Variants in ABL2 observed in about 807,000 individuals in gnomAD.
The protein encoded by ABL2 is ABL proto-oncogene 2, non-receptor tyrosine kinase, also known as tyrosine-protein kinase ABL2.
In ABL2, 49 loss-of-function variants were observed where a neutral mutation model predicts 107.7. The observed-to-expected ratio is 0.45, with a 90% CI of 0.36 to 0.58. The LOEUF (loss-of-function observed/expected upper bound fraction) is 0.58, where lower values mean the gene tolerates loss of function less well. ABL2 is among the 20% of genes least tolerant of loss of function. ABL2 has a pLI of 0.00. For synonymous variants in ABL2, 549 were observed against 548.6 expected (o/e 1.00, Z -0.01); for missense variants, 1,245 against 1,457.0 (o/e 0.85, Z 2.37).
chr1:179,140,304 A>G (rs1006920984), intron 1 of ABL2, among the ~76,000 whole-genome samples: 3 of 151,620 alleles, frequency 2.0e-5, no homozygotes, highest in Admixed American at 6.6e-5. Flanking sequence ...TGCCTAAAAC[A>G]CTCTTCCCCA....
chr1:179,211,047 T>C (rs889621643), intron 1 of ABL2, among the ~76,000 whole-genome samples: 1 of 152,112 alleles, frequency 6.6e-6, no homozygotes, highest in Non-Finnish European at 1.5e-5. Flanking sequence ...GACTTTTCTC[T>C]TTAAAGATAG....
intron 1 of ABL2, among the ~76,000 whole-genome samples, chr1:179,143,846 G>A (rs531921785): frequency 2.6e-5 from 4 of 152,104 alleles, no homozygotes; most frequent in African/African-American, 4.8e-5. Context: ...ACAGGCGCCC[G>A]CCACCACGCC....
chr1:179,225,806 C>T (rs912308464), intron 1 of ABL2, among the ~76,000 whole-genome samples: 1 of 151,928 alleles, frequency 6.6e-6, no homozygotes, highest in Non-Finnish European at 1.5e-5. Flanking sequence ...CTTTGGGAGG[C>T]CGAAGAGGGC....
chr1:179,171,332 A>G (rs1659705373), intron 1 of ABL2, among the ~76,000 whole-genome samples: 1 of 152,206 alleles, frequency 6.6e-6, no homozygotes. Context: ...ACCAAAAGAC[A>G]CAGAGACTCT....
At chr1:179,198,654 C>A (rs1470696719) in intron 1 of ABL2, among the ~76,000 whole-genome samples, 3 of 124,270 alleles carry the variant, frequency 2.4e-5, no homozygotes, top group Non-Finnish European at 4.8e-5. Flanking sequence ...GATCACGCCA[C>A]TGCACTCCAG....
At chr1:179,224,214 T>C (rs1217044410) in intron 1 of ABL2, among the ~76,000 whole-genome samples, 1 of 149,600 alleles carries the variant, frequency 6.7e-6, no homozygotes, top group Non-Finnish European at 1.5e-5. Flanking sequence ...AAATAATGAG[T>C]TTGATTTAAG....
chr1:179,135,828 T>G (rs1435094809), intron 1 of ABL2, among the ~76,000 whole-genome samples: 1 of 103,600 alleles, frequency 9.7e-6, no homozygotes, highest in African/African-American at 3.8e-5. Flanking sequence ...GGGAGGGAGG[T>G]GGGGGGGTCA....
At chr1:179,159,889 G>GT (rs1658958345) in intron 1 of ABL2, among the ~76,000 whole-genome samples, 1 of 152,174 alleles carries the variant, frequency 6.6e-6, no homozygotes, top group Non-Finnish European at 1.5e-5. Flanking sequence ...CAAGGTGGGC[G>GT]TATCAACTGA....
At chr1:179,131,714 G>C (rs1386940164) in intron 2 of ABL2, among the ~76,000 whole-genome samples, 2 of 152,182 alleles carry the variant, frequency 1.3e-5, no homozygotes, top group Non-Finnish European at 2.9e-5. Context: ...CACAAAATGA[G>C]AGTTTAGCCG....
At chr1:179,185,661 AGTAT>A (rs934063644) in intron 1 of ABL2, among the ~76,000 whole-genome samples, 2 of 150,310 alleles carry the variant, frequency 1.3e-5, no homozygotes, top group African/African-American at 4.9e-5. Context: ...AGAAATTAAA[AGTAT>A]GTAAGTTTGA....
Position 179,109,388 on chromosome 1 carries a change from G to A in ABL2, c.1879C>T (p.Gln627Ter), listed in dbSNP as rs927943387. The change falls in exon 12 of 12, where the codon CAA becomes TAA. Residue 627 changes from glutamine to a stop codon, truncating the protein, a stop_gained. Coordinates refer to ENST00000502732, the MANE Select transcript of ABL2 (RefSeq NM_007314.4). LOFTEE classifies it high-confidence loss of function. ...SSGSPALPRKQRDKSPSSLLE... is the reference protein window; with the variant it reads ...SSGSPALPRK ...AGGCTGCTGGGTGACTTGTCTCTTT[G>A]CTTTCGAGGCAGTGCTGGGGATCCA... 1 of 1,614,046 alleles carries A rather than the reference G, an allele frequency of 6.2e-7. No homozygotes were observed. Among genetic ancestry groups the A allele is most frequent in the Admixed American group, 1.7e-5 (1 of 60,000 alleles).
intron 1 of ABL2, among the ~76,000 whole-genome samples, chr1:179,228,240 G>A (rs866954145): frequency 8.7e-5 from 13 of 148,664 alleles, no homozygotes; most frequent in African/African-American, 2.7e-4. Flanking sequence ...CCAGCTACTC[G>A]GGAGGCTGAG....
intron 1 of ABL2, among the ~76,000 whole-genome samples, chr1:179,200,786 G>T (rs900174106): frequency 6.6e-6 from 1 of 152,122 alleles, no homozygotes; most frequent in Non-Finnish European, 1.5e-5. Flanking sequence ...CACAGCAAAG[G>T]GATATAAAGC....
intron 1 of ABL2, chr1:179,201,664 C>T (rs983532900): frequency 1.2e-4 from 64 of 548,206 alleles, no homozygotes; most frequent in Middle Eastern, 6.2e-4. Context: ...AGCGTGTCCT[C>T]TTGTGCACAT....
At chr1:179,140,128 TAA>T (rs1657441024) in intron 1 of ABL2, among the ~76,000 whole-genome samples, 1 of 152,328 alleles carries the variant, frequency 6.6e-6, no homozygotes, top group Admixed American at 6.5e-5. Flanking sequence ...CATTTTAGAG[TAA>T]AAGCTAAAAT....
At chr1:179,165,562 G>T (rs1659329205) in intron 1 of ABL2, among the ~76,000 whole-genome samples, 1 of 152,160 alleles carries the variant, frequency 6.6e-6, no homozygotes, top group Non-Finnish European at 1.5e-5. Context: ...AGATGGCCTT[G>T]AATGTCACAC....
intron 4 of ABL2, among the ~76,000 whole-genome samples, chr1:179,125,094 A>T (rs1374698816): frequency 6.6e-6 from 1 of 152,206 alleles, no homozygotes; most frequent in African/African-American, 2.4e-5. Context: ...CAAACTCTTC[A>T]TAAGGGCCAG....
intron 1 of ABL2, among the ~76,000 whole-genome samples, chr1:179,203,078 G>A (rs1356952357): frequency 1.3e-5 from 2 of 152,130 alleles, no homozygotes; most frequent in African/African-American, 4.8e-5. Flanking sequence ...AAGTGGGTAT[G>A]GGGTTTGTTT....
At chr1:179,141,387 A>G (rs924765693) in intron 1 of ABL2, among the ~76,000 whole-genome samples, 1 of 152,000 alleles carries the variant, frequency 6.6e-6, no homozygotes, top group African/African-American at 2.4e-5. Flanking sequence ...ATAAGGGGAA[A>G]CTCTGAACCC....
Sources: gnomAD v4.1 joint callset for allele counts (sites outside exome capture counted in the v4.1 genomes callset) on GRCh38, gnomAD v4.1.1 for gene constraint, MANE v1.5 for transcripts, NCBI Gene and HGNC (gene_info 2026-07-23, HGNC 2026-07-21) for gene names.